The following GALNTL6 variants were observed in gnomAD, a reference collection of about 807,000 sequenced individuals.
GALNTL6 encodes polypeptide N-acetylgalactosaminyltransferase like 6.
In GALNTL6, 46 loss-of-function variants were observed where a neutral mutation model predicts 73.7. That is an observed-to-expected ratio of 0.62 (90% confidence interval 0.49 to 0.80). The LOEUF is 0.80. GALNTL6 is among the 30% of genes least tolerant of loss of function. The probability of loss-of-function intolerance (pLI) is 0.00; values close to 1 mark genes in which losing one functional copy is unlikely to be tolerated. For missense variants in GALNTL6, 604 were observed against 755.0 expected (o/e 0.80, Z 2.34); for synonymous variants, 259 against 263.7 (o/e 0.98, Z 0.17).
At chr4:172,870,111 T>C (rs148316654) in intron 7 of GALNTL6, among the ~76,000 whole-genome samples, 4 of 152,122 alleles carry the variant, frequency 2.6e-5, no homozygotes, top group Middle Eastern at 3.4e-3. Context: ...TATAAAAAGA[T>C]AGAAATTCCA....
chr4:172,349,042 G>T (rs1490639263), intron 5 of GALNTL6, among the ~76,000 whole-genome samples: 1 of 152,048 alleles, frequency 6.6e-6, no homozygotes, highest in Non-Finnish European at 1.5e-5. Context: ...TATAAAATTT[G>T]TTCCTATTTC....
chr4:172,788,549 G>A (rs544167387), intron 5 of GALNTL6, among the ~76,000 whole-genome samples: 99 of 151,740 alleles, frequency 6.5e-4, no homozygotes, highest in African/African-American at 2.4e-3. Flanking sequence ...GCGGGCGCCT[G>A]TAGTCCCAGC....
At chr4:172,079,697 A>G (rs148928021) in intron 2 of GALNTL6, among the ~76,000 whole-genome samples, 1 of 151,720 alleles carries the variant, frequency 6.6e-6, no homozygotes, top group Non-Finnish European at 1.5e-5. Context: ...TGGCTTTTCT[A>G]CTCAAGTTCT....
chr4:172,762,940 TCTTTA>T (rs1738202671), intron 5 of GALNTL6, among the ~76,000 whole-genome samples: 1 of 152,134 alleles, frequency 6.6e-6, no homozygotes, highest in Non-Finnish European at 1.5e-5. Context: ...TAAGACTTTC[TCTTTA>T]CTTAAATAAA....
At chr4:171,864,710 T>TA (rs1735926281) in intron 2 of GALNTL6, among the ~76,000 whole-genome samples, 1 of 152,202 alleles carries the variant, frequency 6.6e-6, no homozygotes, top group Non-Finnish European at 1.5e-5. Flanking sequence ...TCTAGTTTCT[T>TA]ACCTGCAAGG....
intron 3 of GALNTL6, among the ~76,000 whole-genome samples, chr4:172,265,763 T>C (rs1221562586): frequency 1.3e-5 from 2 of 152,116 alleles, no homozygotes; most frequent in African/African-American, 4.8e-5. Flanking sequence ...TGGGAAATTT[T>C]CCTTCTTTTG....
intron 3 of GALNTL6, among the ~76,000 whole-genome samples, chr4:172,248,355 T>G (rs140485088): frequency 1.3e-5 from 2 of 152,180 alleles, no homozygotes; most frequent in Non-Finnish European, 1.5e-5. Context: ...CTGTCTAGTA[T>G]GAAGCTAGCT....
chr4:172,235,826 A>C (rs1737223216), intron 3 of GALNTL6, among the ~76,000 whole-genome samples: 1 of 152,022 alleles, frequency 6.6e-6, no homozygotes, highest in Non-Finnish European at 1.5e-5. Flanking sequence ...AGTGTCTACT[A>C]TTCCCATCTT....
chr4:172,365,006 G>C (rs1054044687), intron 5 of GALNTL6, among the ~76,000 whole-genome samples: 1 of 152,054 alleles, frequency 6.6e-6, no homozygotes, highest in Non-Finnish European at 1.5e-5. Context: ...CCAAAGACTA[G>C]AATATACAAT....
chr4:172,154,796 C>A (rs28461733), intron 2 of GALNTL6, among the ~76,000 whole-genome samples: 61,151 of 151,974 alleles, frequency 0.4, 12,569 homozygotes, highest in Admixed American at 0.42. Context: ...AAGCTGGAAT[C>A]TTGAGGAAGA....
intron 5 of GALNTL6, among the ~76,000 whole-genome samples, chr4:172,612,302 G>A (rs145173171): frequency 5.9e-5 from 9 of 152,018 alleles, no homozygotes; most frequent in East Asian, 1.9e-4. Context: ...AATATGAATC[G>A]GTATTATGAT....
At chr4:172,530,576 T>C (rs1451938178) in intron 5 of GALNTL6, among the ~76,000 whole-genome samples, 1 of 152,212 alleles carries the variant, frequency 6.6e-6, no homozygotes, top group Non-Finnish European at 1.5e-5. Flanking sequence ...ATCAGGATAG[T>C]AGTGTTCCCT....
chr4:172,521,933 T>A (rs948966943), intron 5 of GALNTL6, among the ~76,000 whole-genome samples: 1 of 152,232 alleles, frequency 6.6e-6, no homozygotes, highest in Non-Finnish European at 1.5e-5. Flanking sequence ...GATTATATTG[T>A]GTGCTACGTA....
intron 7 of GALNTL6, among the ~76,000 whole-genome samples, chr4:172,839,411 AACTG>A (rs746255257): frequency 2.0e-5 from 3 of 152,316 alleles, no homozygotes; most frequent in South Asian, 2.1e-4. Flanking sequence ...TCTGCAAGGA[AACTG>A]ACTAATTTAA....
At chr4:172,377,277 T>C (rs1375046283) in intron 5 of GALNTL6, among the ~76,000 whole-genome samples, 6 of 152,100 alleles carry the variant, frequency 3.9e-5, no homozygotes, top group South Asian at 2.1e-4. Flanking sequence ...AGAGTGCTGA[T>C]TGATGCATTT....
intron 5 of GALNTL6, among the ~76,000 whole-genome samples, chr4:172,789,510 CA>C (rs1393324141): frequency 6.6e-6 from 1 of 151,946 alleles, no homozygotes; most frequent in Non-Finnish European, 1.5e-5. Flanking sequence ...CCAGGGAATC[CA>C]AAAAATTGGA....
chr4:172,927,805 C>T lies in GALNTL6; in HGVS notation c.1042-3356C>T, dbSNP rs1748135754. On this transcript the variant is annotated intron_variant, in intron 8 of 12. Coordinates refer to ENST00000506823, the MANE Select transcript of GALNTL6 (RefSeq NM_001034845.3). ...TTTCAAAAACAAATGCCCCAGAGGA[C>T]AGGCTATGTGGCCTTTTATGACCTA... Among the ~76,000 whole-genome samples the T allele has an allele frequency of 2.6e-5, 4 of 152,274 alleles. No individual in the cohort carries two copies. In the South Asian group the frequency reaches 8.3e-4, roughly 32 times the overall value.
intron 7 of GALNTL6, among the ~76,000 whole-genome samples, chr4:172,823,801 C>T (rs1742073040): frequency 6.6e-6 from 1 of 152,018 alleles, no homozygotes; most frequent in Non-Finnish European, 1.5e-5. Flanking sequence ...TCCTTTACAC[C>T]ATGAATGAAA....
At chr4:172,598,523 C>T (rs1284834724) in intron 5 of GALNTL6, among the ~76,000 whole-genome samples, 1 of 152,142 alleles carries the variant, frequency 6.6e-6, no homozygotes, top group Admixed American at 6.6e-5. Flanking sequence ...TTTGACATTT[C>T]CAGTTGTAAG....
Sources: allele counts gnomAD v4.1 joint callset (sites outside exome capture counted in the v4.1 genomes callset), GRCh38; gene constraint gnomAD v4.1.1; transcripts MANE v1.5; gene names NCBI Gene and HGNC (gene_info 2026-07-23, HGNC 2026-07-21).